ERAP1: variants seen among roughly 807,000 people sequenced by gnomAD.
The protein encoded by ERAP1 is adipocyte-derived leucine aminopeptidase.
Under a neutral mutation model 103.7 loss-of-function variants are expected in ERAP1, and 86 were observed. That is an observed-to-expected ratio of 0.83 (90% confidence interval 0.70 to 0.99). The LOEUF (loss-of-function observed/expected upper bound fraction) is 0.99. Ranked by LOEUF, ERAP1 falls within the 50% of genes least tolerant of loss-of-function variation. The pLI is 0.00. For synonymous variants in ERAP1, 398 were observed against 402.4 expected (o/e 0.99, Z 0.13); for missense variants, 1,009 against 1,128.4 (o/e 0.89, Z 1.52).
At chr5:96,914,279 G>A in the ERAP1 span, among the ~76,000 whole-genome samples, 1 of 152,108 alleles carries the variant, frequency 6.6e-6, no homozygotes, top group Non-Finnish European at 1.5e-5. Flanking sequence ...CTTTGTTTAT[G>A]TCAGGGTCAG....
At chr5:96,831,251 A>G in the ERAP1 span, among the ~76,000 whole-genome samples, 2 of 152,204 alleles carry the variant, frequency 1.3e-5, no homozygotes, top group Admixed American at 1.3e-4. Context: ...AGATCTCACA[A>G]TTCACTCACT....
chr5:96,776,153 G>A lies in ERAP1; in HGVS notation c.*243C>T. The stretch of plus-strand genomic sequence containing the variant: ...AGAATAAGGTACTTTATTCTTCTGT[G>A]GCAGGGAACCCAACACTTGGGTTTA... On this transcript the variant is annotated 3_prime_UTR_variant, in exon 19 of 19. Transcript: ENST00000443439. The A allele has an allele frequency of 1.3e-6, 2 of 1,490,142 alleles. No individual in the cohort carries two copies. Among genetic ancestry groups the A allele is most frequent in the Non-Finnish European group, 1.8e-6 (2 of 1,117,712 alleles). 92.3% of individuals were successfully genotyped at this position (1,490,142 alleles called of 1,614,324 possible). A position where few individuals can be genotyped will look rare whatever the true frequency, so the allele number is the denominator to read the frequency against.
chr5:96,767,077 T>G (rs989911890), intron 19 of ERAP1, among the ~76,000 whole-genome samples: 2 of 152,258 alleles, frequency 1.3e-5, no homozygotes, highest in Non-Finnish European at 2.9e-5. Context: ...CCCTGATGAC[T>G]TTCTAAGTGT....
At chr5:96,765,161 A>T in intron 19 of ERAP1, 1 of 950,500 alleles carries the variant, frequency 1.1e-6, no homozygotes, top group East Asian at 2.4e-5. Context: ...TTCCTGGGCT[A>T]ATTTGCCTCT....
At chr5:96,782,484 T>C (rs1042900853) in intron 15 of ERAP1, among the ~76,000 whole-genome samples, 1 of 152,190 alleles carries the variant, frequency 6.6e-6, no homozygotes, top group Non-Finnish European at 1.5e-5. Flanking sequence ...TCAAACTATA[T>C]TCAAAATTTA....
chr5:96,857,407 C>T, the ERAP1 span, among the ~76,000 whole-genome samples: 4 of 152,060 alleles, frequency 2.6e-5, no homozygotes, highest in African/African-American at 7.2e-5. Flanking sequence ...TAATTTTATC[C>T]TCAGCATCTA....
chr5:96,802,787 C>T (rs930876073), intron 2 of ERAP1, among the ~76,000 whole-genome samples: 2 of 152,054 alleles, frequency 1.3e-5, no homozygotes. Context: ...AAGAGGCCAC[C>T]AGGCTGGGCC....
At chr5:96,835,190 T>C in the ERAP1 span, among the ~76,000 whole-genome samples, 1 of 152,254 alleles carries the variant, frequency 6.6e-6, no homozygotes. Context: ...AAAACTCTGC[T>C]GTTGACTGTC....
chr5:96,812,510 T>C (rs776385829), upstream of ERAP1, among the ~76,000 whole-genome samples: 1 of 152,258 alleles, frequency 6.6e-6, no homozygotes, highest in Non-Finnish European at 1.5e-5. Context: ...TCTTTGCATA[T>C]GCCTAAAGGA....
chr5:96,912,852 G>A, the ERAP1 span: 1 of 1,464,692 alleles, frequency 6.8e-7, no homozygotes. Context: ...CAAATTCAGT[G>A]AAGTCACTAA....
In ERAP1 at chr5:96,795,153, A is replaced by C; in HGVS notation, c.808T>G (p.Tyr270Asp). 1 of 1,613,680 alleles carries C rather than the reference A, an allele frequency of 6.2e-7. No individual in the cohort carries two copies. The highest frequency in any genetic ancestry group is 8.5e-7 in the Non-Finnish European group (1 of 1,179,960). ...TGATTTATCTTGTCTGGCACAGCAT[A>C]AACAGAAACCTAAAGAGAAAGGCAC... ...ITKSGVKVSV[Y>D]AVPDKINQAD... Residue 270 changes from tyrosine (Y) to aspartate (D), a missense_variant, in exon 5 of 19, where the codon TAT becomes GAT. Tyr to Asp is a radical substitution (Grantham distance 160). Transcript: ENST00000443439.
chr5:96,765,327 TAAAAAAAAAAAAA>T (rs59338324), intron 19 of ERAP1: 4 of 512,292 alleles, frequency 7.8e-6, no homozygotes, highest in East Asian at 7.5e-5. Flanking sequence ...AAAGTAAAGG[TAAAAAAAAAAAAA>T]AAAAAAAAAA....
the ERAP1 span, among the ~76,000 whole-genome samples, chr5:96,893,909 G>T: frequency 6.6e-6 from 1 of 152,126 alleles, no homozygotes; most frequent in African/African-American, 2.4e-5. Flanking sequence ...ATGCCAGGTT[G>T]TATCACTCTG....
chr5:96,783,832 C>G, intron 14 of ERAP1, 92 bp downstream of exon 14: 1 of 198,922 alleles, frequency 5.0e-6, no homozygotes, highest in Non-Finnish European at 1.0e-5. Flanking sequence ...CACACACACA[C>G]ACACACACAC....
At chr5:96,890,553 G>C in the ERAP1 span, among the ~76,000 whole-genome samples, 1 of 152,198 alleles carries the variant, frequency 6.6e-6, no homozygotes, top group African/African-American at 2.4e-5. Context: ...AGCATATAAA[G>C]ATTAGTGCTT....
downstream of ERAP1, chr5:96,774,210 T>C (rs926974071): frequency 3.9e-5 from 6 of 154,016 alleles, no homozygotes; most frequent in Admixed American, 3.9e-4. Context: ...CACTGACAGA[T>C]GTGTTTGCAA....
the ERAP1 span, among the ~76,000 whole-genome samples, chr5:96,927,895 T>C: frequency 6.6e-6 from 1 of 151,760 alleles, no homozygotes; most frequent in Admixed American, 6.6e-5. Flanking sequence ...GTGAACTGTC[T>C]TTTCATTTCT....
chr5:96,890,310 G>A, the ERAP1 span, among the ~76,000 whole-genome samples: 5 of 152,062 alleles, frequency 3.3e-5, no homozygotes, highest in African/African-American at 7.2e-5. Flanking sequence ...TAAGGAACAC[G>A]CAACTTAGAT....
the ERAP1 span, among the ~76,000 whole-genome samples, chr5:96,855,484 G>A: frequency 9.5e-4 from 145 of 152,254 alleles, no homozygotes; most frequent in Non-Finnish European, 1.7e-3. Context: ...AAAAACCCAG[G>A]TGGGTGGGCA....
Sources: gnomAD v4.1 joint callset for allele counts (sites outside exome capture counted in the v4.1 genomes callset) on GRCh38, gnomAD v4.1.1 for gene constraint, MANE v1.5 for transcripts, NCBI Gene and HGNC (gene_info 2026-07-23, HGNC 2026-07-21) for gene names.